The following ROBO2 variants were observed in gnomAD, a reference collection of about 807,000 sequenced individuals.
ROBO2 encodes roundabout guidance receptor 2, also known as roundabout homolog 2.
ROBO2 carries 53 observed loss-of-function variants against 160.8 expected under a neutral mutation model. That is an observed-to-expected ratio of 0.33 (90% CI 0.26 to 0.41). ROBO2 has a LOEUF of 0.41. Among genes scored for constraint, ROBO2 ranks in the 10% least tolerant of loss-of-function variants. The pLI, the probability that ROBO2 is intolerant of heterozygous loss-of-function variation, is 1.00. For synonymous variants in ROBO2, 664 were observed against 611.7 expected, an observed-to-expected ratio of 1.09 and a Z score of -1.26; for missense variants, 1,577 against 1,722.4, an observed-to-expected ratio of 0.92 and a Z score of 1.49.
chr3:76,108,978 A>G (rs947689696), intron 2 of ROBO2, among the ~76,000 whole-genome samples: 2 of 151,702 alleles, frequency 1.3e-5, no homozygotes, highest in Non-Finnish European at 2.9e-5. Context: ...TATTACACGT[A>G]TATGCTAAGT....
intron 2 of ROBO2, among the ~76,000 whole-genome samples, chr3:77,205,515 G>T (rs1206234682): frequency 1.3e-5 from 2 of 151,956 alleles, no homozygotes; most frequent in Non-Finnish European, 2.9e-5. Context: ...TACAGGATGG[G>T]GGGACATGGC....
intron 2 of ROBO2, among the ~76,000 whole-genome samples, chr3:76,879,498 A>T (rs547953762): frequency 2.6e-4 from 39 of 152,230 alleles, no homozygotes; most frequent in African/African-American, 9.4e-4. Context: ...TAATATGAAG[A>T]AGAAAATTCA....
chr3:77,498,001 C>T (rs534299806), intron 5 of ROBO2, among the ~76,000 whole-genome samples: 1 of 152,020 alleles, frequency 6.6e-6, no homozygotes, highest in African/African-American at 2.4e-5. Context: ...TAAAAAAAAT[C>T]CCTCTCAGAA....
At chr3:76,696,168 T>G (rs558491143) in intron 2 of ROBO2, among the ~76,000 whole-genome samples, 64 of 152,174 alleles carry the variant, frequency 4.2e-4, no homozygotes, top group South Asian at 3.5e-3. Flanking sequence ...TCGTAACGAG[T>G]CTAGCCTCCG....
chr3:77,372,501 A>T (rs1324244362), intron 2 of ROBO2, among the ~76,000 whole-genome samples: 1 of 152,200 alleles, frequency 6.6e-6, no homozygotes, highest in Non-Finnish European at 1.5e-5. Flanking sequence ...AATCTCTCAG[A>T]CAACAGATAA....
At chr3:77,483,701 G>A (rs1011530303) in intron 4 of ROBO2, among the ~76,000 whole-genome samples, 2 of 147,892 alleles carry the variant, frequency 1.4e-5, no homozygotes, top group African/African-American at 2.5e-5. Context: ...AAAAAAATAA[G>A]TATATATATT....
chr3:77,252,095 C>G (rs905379032), intron 2 of ROBO2, among the ~76,000 whole-genome samples: 16 of 152,184 alleles, frequency 1.1e-4, no homozygotes, highest in Admixed American at 5.9e-4. Flanking sequence ...GAACACTGTG[C>G]TACTTAGATA....
chr3:77,628,455 G>GC (rs1024014656), intron 23 of ROBO2, among the ~76,000 whole-genome samples: 7 of 144,024 alleles, frequency 4.9e-5, no homozygotes, highest in African/African-American at 1.8e-4. Flanking sequence ...TGTGGGGGGG[G>GC]GGTAATTGTT....
intron 2 of ROBO2, among the ~76,000 whole-genome samples, chr3:76,091,518 C>G (rs941536467): frequency 6.6e-6 from 1 of 152,102 alleles, no homozygotes; most frequent in East Asian, 1.9e-4. Context: ...GACCGTTTTG[C>G]ACTTTCTTAC....
At chr3:77,563,424 T>C in intron 11 of ROBO2, 95 bp downstream of exon 12, 2 of 1,184,028 alleles carry the variant, frequency 1.7e-6, no homozygotes, top group Non-Finnish European at 2.5e-6. Flanking sequence ...ATTAAAGACA[T>C]GTCCAATCAA....
intron 2 of ROBO2, among the ~76,000 whole-genome samples, chr3:76,327,308 A>C (rs991989436): frequency 6.6e-6 from 1 of 152,138 alleles, no homozygotes; most frequent in Non-Finnish European, 1.5e-5. Flanking sequence ...CTAAATTGGT[A>C]ATATTTATAT....
intron 2 of ROBO2, among the ~76,000 whole-genome samples, chr3:75,970,139 C>T (rs1198032543): frequency 1.3e-5 from 2 of 151,384 alleles, no homozygotes; most frequent in Non-Finnish European, 3.0e-5. Context: ...TTCACAGGAA[C>T]CCCTCTTTGC....
At position 76,728,910 on chromosome 3, in the gene ROBO2, GTT is replaced by G. The variant is rs11298795; in HGVS notation, c.110-369095_110-369094del. ...GTAGTAAAAGTATTGACCATAAGTT[GTT>G]TTTTTTTTATTCATTTATTCTTTTC... On this transcript the variant is annotated intron_variant, in intron 2 of 26. Transcript: ENST00000487694. Among the ~76,000 whole-genome samples, 858 of 151,604 alleles carry G rather than the reference GTT, an allele frequency of 5.7e-3. 9 individuals carry two copies. The highest frequency in any genetic ancestry group is 0.024 in the Middle Eastern group (7 of 290).
intron 2 of ROBO2, among the ~76,000 whole-genome samples, chr3:77,283,565 A>G (rs374208257): frequency 1.3e-5 from 2 of 152,218 alleles, no homozygotes; most frequent in African/African-American, 2.4e-5. Flanking sequence ...GATCAAAGTT[A>G]CATATTTAAA....
At position 77,337,140 on chromosome 3, in the gene ROBO2, G is replaced by A. The variant is rs563724117; in HGVS notation, c.389-140274G>A. Among the ~76,000 whole-genome samples the A allele has an allele frequency of 9.2e-5, 14 of 152,250 alleles. 1 individual carries two copies. The highest frequency in any genetic ancestry group is 3.3e-4 in the Admixed American group (5 of 15,272). On this transcript the variant is annotated intron_variant, in intron 2 of 25. Transcript: ENST00000461745. ...ATTGTTCACTTTCTGAATGAACATC[G>A]GCAATTTCTAGCTGTTAGAAAGTGA...
At chr3:76,199,477 C>T (rs573978392) in intron 2 of ROBO2, among the ~76,000 whole-genome samples, 1 of 152,220 alleles carries the variant, frequency 6.6e-6, no homozygotes, top group African/African-American at 2.4e-5. Context: ...TTCCTTGAGA[C>T]CCATATAGAA....
At chr3:77,471,213 G>A (rs971384520) in intron 2 of ROBO2, among the ~76,000 whole-genome samples, 1 of 152,148 alleles carries the variant, frequency 6.6e-6, no homozygotes, top group Non-Finnish European at 1.5e-5. Flanking sequence ...AGATGGAAAT[G>A]ACTAAGTAGT....
intron 2 of ROBO2, among the ~76,000 whole-genome samples, chr3:76,235,915 G>A (rs1388937291): frequency 1.3e-5 from 2 of 151,920 alleles, no homozygotes; most frequent in Admixed American, 6.6e-5. Flanking sequence ...AGAGAAGGTA[G>A]GATGAAGAAA....
At chr3:76,020,982 A>G (rs1354671678) in intron 2 of ROBO2, among the ~76,000 whole-genome samples, 1 of 151,782 alleles carries the variant, frequency 6.6e-6, no homozygotes, top group African/African-American at 2.4e-5. Context: ...TCCTTTACTT[A>G]TGTTTTACTG....
Sources: allele counts gnomAD v4.1 joint callset (sites outside exome capture counted in the v4.1 genomes callset), GRCh38; gene constraint gnomAD v4.1.1; transcripts MANE v1.5; gene names NCBI Gene and HGNC (gene_info 2026-07-23, HGNC 2026-07-21).